Variants in SCFD2 observed in about 807,000 individuals in gnomAD.
SCFD2 encodes sec1 family domain-containing protein 2.
SCFD2 carries 54 observed loss-of-function variants against 58.9 expected under a neutral mutation model. That is an observed-to-expected ratio of 0.92 (90% CI 0.74 to 1.15). SCFD2 has a LOEUF of 1.15. Among genes scored for constraint, SCFD2 ranks in the 50% most tolerant of loss-of-function variants. The pLI is 0.00. For missense variants in SCFD2, 805 were observed against 836.6 expected, an observed-to-expected ratio of 0.96 and a Z score of 0.47; for synonymous variants, 321 against 335.9, an observed-to-expected ratio of 0.96 and a Z score of 0.49.
intron 5 of SCFD2, among the ~76,000 whole-genome samples, chr4:53,049,636 A>G (rs1723134149): frequency 6.6e-6 from 1 of 152,144 alleles, no homozygotes; most frequent in Admixed American, 6.6e-5. Context: ...GAATAATGTT[A>G]AAGAGTGAGC....
intron 5 of SCFD2, among the ~76,000 whole-genome samples, chr4:53,021,195 C>T (rs1296932815): frequency 6.6e-6 from 1 of 152,196 alleles, no homozygotes; most frequent in Non-Finnish European, 1.5e-5. Flanking sequence ...AGAGTTGCCA[C>T]ATGTCTGAGG....
At chr4:53,343,090 G>C (rs1211636372) in intron 2 of SCFD2, among the ~76,000 whole-genome samples, 1 of 151,992 alleles carries the variant, frequency 6.6e-6, no homozygotes, top group African/African-American at 2.4e-5. Context: ...CTAGAAGAAG[G>C]CAAGAAATAA....
intron 7 of SCFD2, among the ~76,000 whole-genome samples, chr4:52,898,003 C>A (rs1394281939): frequency 1.3e-5 from 2 of 152,084 alleles, no homozygotes; most frequent in African/African-American, 4.8e-5. Context: ...GTGGTGATAT[C>A]CCCTTTGTCA....
intron 5 of SCFD2, among the ~76,000 whole-genome samples, chr4:52,938,823 T>C (rs1176623097): frequency 6.6e-6 from 1 of 152,230 alleles, no homozygotes; most frequent in Non-Finnish European, 1.5e-5. Context: ...TCATCTTAAA[T>C]ATTGCTGGAC....
intron 4 of SCFD2, among the ~76,000 whole-genome samples, chr4:53,166,609 G>A (rs1055550373): frequency 2.0e-5 from 3 of 152,104 alleles, no homozygotes; most frequent in African/African-American, 7.2e-5. Flanking sequence ...AAATGGTAAA[G>A]CTAGTGAAAA....
At chr4:53,242,035 A>C (rs1729909820) in intron 4 of SCFD2, among the ~76,000 whole-genome samples, 1 of 152,252 alleles carries the variant, frequency 6.6e-6, no homozygotes, top group Admixed American at 6.5e-5. Flanking sequence ...CCCAGCCCAC[A>C]CAAGCTGTGC....
chr4:53,116,058 C>G (rs1365970794), intron 5 of SCFD2, among the ~76,000 whole-genome samples: 4 of 152,146 alleles, frequency 2.6e-5, no homozygotes, highest in African/African-American at 9.7e-5. Flanking sequence ...AATCAGAACA[C>G]AGGATTCGTT....
chr4:53,050,399 T>G lies in SCFD2; in HGVS notation c.1561+94934A>C, dbSNP rs185318339. On this transcript the variant is annotated intron_variant, in intron 5 of 8. Coordinates refer to ENST00000401642, the MANE Select transcript of SCFD2 (RefSeq NM_152540.4). ...GCTGTCGTGATTAAACGAATCAAGA[T>G]AGGTTGTAGAGGAGGCCATGAGGAA... Among the ~76,000 whole-genome samples, 33 of 152,270 alleles carry G rather than the reference T, an allele frequency of 2.2e-4. No homozygotes were observed. In the East Asian group the frequency reaches 6.0e-3, roughly 28 times the overall value.
At chr4:53,038,534 T>C (rs1722818580) in intron 5 of SCFD2, among the ~76,000 whole-genome samples, 1 of 152,188 alleles carries the variant, frequency 6.6e-6, no homozygotes, top group Admixed American at 6.5e-5. Context: ...TAAAACAGAC[T>C]TGCATGGAGA....
At chr4:52,898,214 T>C (rs930132421) in intron 7 of SCFD2, among the ~76,000 whole-genome samples, 8 of 152,332 alleles carry the variant, frequency 5.3e-5, no homozygotes, top group East Asian at 1.9e-4. Flanking sequence ...GTGTTTGCTC[T>C]TGCTTCTCTA....
chr4:52,992,869 C>A (rs563254960), intron 5 of SCFD2, among the ~76,000 whole-genome samples: 3 of 152,348 alleles, frequency 2.0e-5, no homozygotes, highest in Non-Finnish European at 4.4e-5. Context: ...GCCCCTCTGC[C>A]CAGCAGTCAC....
chr4:53,010,456 G>A (rs529791514), intron 5 of SCFD2, among the ~76,000 whole-genome samples: 32 of 152,302 alleles, frequency 2.1e-4, no homozygotes, highest in Admixed American at 1.3e-3. Context: ...AGGCAGACAC[G>A]CTAAGTTCTG....
intron 2 of SCFD2, among the ~76,000 whole-genome samples, chr4:53,346,635 C>A (rs1297135671): frequency 5.3e-5 from 8 of 152,132 alleles, no homozygotes; most frequent in Non-Finnish European, 1.0e-4. Context: ...ACTCAGTTCA[C>A]TAGTACATCT....
At chr4:53,337,622 CTTGT>C (rs1733725096) in intron 2 of SCFD2, among the ~76,000 whole-genome samples, 1 of 152,156 alleles carries the variant, frequency 6.6e-6, no homozygotes, top group South Asian at 2.1e-4. Flanking sequence ...CCCCAAAACA[CTTGT>C]TTAAGAATGT....
chr4:53,058,068 G>T (rs891734616), intron 5 of SCFD2, among the ~76,000 whole-genome samples: 1 of 152,080 alleles, frequency 6.6e-6, no homozygotes, highest in African/African-American at 2.4e-5. Flanking sequence ...GATAAAATCT[G>T]ACCATTCAAT....
intron 5 of SCFD2, among the ~76,000 whole-genome samples, chr4:53,016,503 T>TA (rs1197598139): frequency 3.3e-5 from 5 of 152,238 alleles, no homozygotes; most frequent in Admixed American, 2.0e-4. Context: ...TATGAATCTT[T>TA]AAAAAATCTT....
intron 5 of SCFD2, among the ~76,000 whole-genome samples, chr4:53,047,214 G>A (rs975692884): frequency 5.9e-5 from 9 of 152,300 alleles, no homozygotes; most frequent in South Asian, 4.1e-4. Context: ...TTGAGAGGCT[G>A]AGGCAGGAGG....
chr4:53,144,573 C>G (rs1357832885), intron 5 of SCFD2, among the ~76,000 whole-genome samples: 1 of 147,894 alleles, frequency 6.8e-6, no homozygotes, highest in Non-Finnish European at 1.5e-5. Flanking sequence ...TATAAAAACA[C>G]TACTGAAAAT....
intron 5 of SCFD2, among the ~76,000 whole-genome samples, chr4:52,994,891 T>C (rs767394738): frequency 1.3e-5 from 2 of 152,114 alleles, no homozygotes; most frequent in Non-Finnish European, 2.9e-5. Context: ...ACCTACTATG[T>C]TAATGATAGC....
Sources: gnomAD v4.1 joint callset for allele counts (sites outside exome capture counted in the v4.1 genomes callset) on GRCh38, gnomAD v4.1.1 for gene constraint, MANE v1.5 for transcripts, NCBI Gene and HGNC (gene_info 2026-07-23, HGNC 2026-07-21) for gene names.